The following GRIK5 variants were observed in gnomAD, a reference collection of about 807,000 sequenced individuals.
The protein encoded by GRIK5 is glutamate ionotropic receptor kainate type subunit 5.
In GRIK5, 43 loss-of-function variants were observed where a neutral mutation model predicts 97.4. The observed-to-expected ratio is 0.44, with a 90% CI of 0.35 to 0.57. The LOEUF (loss-of-function observed/expected upper bound fraction) is 0.57, where lower values mean the gene tolerates loss of function less well. GRIK5 is among the 20% of genes least tolerant of loss of function. The pLI is 0.01. For missense variants in GRIK5, 1,015 were observed against 1,382.0 expected, an observed-to-expected ratio of 0.73 and a Z score of 4.21; for synonymous variants, 580 against 583.5, an observed-to-expected ratio of 0.99 and a Z score of 0.09.
At chr19:42,017,714 G>C (rs1158568632) in intron 15 of GRIK5, among the ~76,000 whole-genome samples, 5 of 152,212 alleles carry the variant, frequency 3.3e-5, no homozygotes, top group Non-Finnish European at 7.3e-5. Flanking sequence ...AGAGGCTGGA[G>C]GCATGGATAA....
rs2076143448 is a variant in GRIK5 at position 42,053,611 on chromosome 19, T to C, written c.1260A>G (p.Thr420=). 2 of 1,601,034 alleles carry C rather than the reference T, an allele frequency of 1.2e-6. No homozygotes were observed. Among genetic ancestry groups the C allele is most frequent in the South Asian group, 2.2e-5 (2 of 90,786 alleles). ...ATCTAGGGCCACTCACCAGGATGGT[T>C]GTGACCACCAGGGTCTTGTTGGCCA... ...QTLANKTLVV[T]TILENPYVMR... Residue 420 remains threonine, a synonymous_variant, in exon 11 of 20, where the codon ACA becomes ACG. Coordinates refer to ENST00000593562, the MANE Select transcript of GRIK5 (RefSeq NM_002088.5).
chr19:42,068,461 G>A lies in GRIK5; in HGVS notation c.-51+780C>T, dbSNP rs554072734. 2.1e-5 allele frequency: 7 copies of A among 340,686 alleles called. No homozygotes were observed. The South Asian group carries it at 4.3e-4, about 21-fold the overall frequency. 21.1% of individuals were successfully genotyped at this position (340,686 alleles called of 1,614,324 possible). On this transcript the variant is annotated intron_variant, in intron 1 of 19. Transcript: ENST00000593562. ...GCCAGGAAAAGTCAGCATGGACCAC[G>A]GAGAGGTGGGGCAGCAGCTGAGGAG...
At chr19:42,043,340 GGTTTA>G (rs1164200469) in intron 11 of GRIK5, among the ~76,000 whole-genome samples, 1 of 151,964 alleles carries the variant, frequency 6.6e-6, no homozygotes, top group Non-Finnish European at 1.5e-5. Context: ...CCCTCACCAG[GGTTTA>G]GCTCCAGTCC....
chr19:42,019,360 TCTGA>T (rs1457772486), intron 15 of GRIK5, among the ~76,000 whole-genome samples: 2 of 152,178 alleles, frequency 1.3e-5, no homozygotes, highest in African/African-American at 4.8e-5. Context: ...GGGACCCTTC[TCTGA>T]CTGCCCCCAT....
intron 1 of GRIK5, 142 bp downstream of exon 1, chr19:42,069,099 G>A: frequency 6.7e-6 from 3 of 444,736 alleles, no homozygotes; most frequent in Admixed American, 4.1e-5. Context: ...GAGATGGAGG[G>A]CGCAGAGCAG....
At chr19:42,057,853 G>A (rs1029876184) in intron 6 of GRIK5, among the ~76,000 whole-genome samples, 8 of 152,134 alleles carry the variant, frequency 5.3e-5, no homozygotes, top group African/African-American at 9.7e-5. Flanking sequence ...CATAATCCTC[G>A]AGGAAAACAA....
intron 12 of GRIK5, among the ~76,000 whole-genome samples, chr19:42,039,129 T>C (rs936655893): frequency 6.6e-6 from 1 of 152,190 alleles, no homozygotes; most frequent in Non-Finnish European, 1.5e-5. Context: ...GTCTTCCTGT[T>C]ACCACTGCTT....
At chr19:42,040,305 T>C (rs547709667) in intron 12 of GRIK5, among the ~76,000 whole-genome samples, 1 of 152,172 alleles carries the variant, frequency 6.6e-6, no homozygotes. Flanking sequence ...CAGCTGTAAA[T>C]AAGAACTGTT....
chr19:42,054,209 G>A, intron 9 of GRIK5, 111 bp downstream of exon 9: 1 of 1,159,410 alleles, frequency 8.6e-7, no homozygotes, highest in Non-Finnish European at 1.2e-6. Context: ...GGAGGCAGTG[G>A]GTACGGTGGG....
At chr19:42,045,215 G>C (rs1389752054) in intron 11 of GRIK5, among the ~76,000 whole-genome samples, 1 of 152,198 alleles carries the variant, frequency 6.6e-6, no homozygotes, top group Non-Finnish European at 1.5e-5. Flanking sequence ...TTCTCCCTGG[G>C]TTCAGACTTC....
At position 42,062,559 on chromosome 19, in the gene GRIK5, C is replaced by A. The variant is rs2076273033; in HGVS notation, c.437G>T (p.Ser146Ile). ...VSLYPSNEDVSLAVSRILKSF... is the reference protein window; with the variant it reads ...VSLYPSNEDVILAVSRILKSF... The stretch of plus-strand genomic sequence containing the variant: ...CTTGAGGATTCGGGAGACCGCCAAG[C>A]TGACGTCCTCGTTACTGGGGTACAG... Residue 146 changes from serine (S) to isoleucine (I), a missense_variant, in exon 5 of 20, where the codon AGC (serine) becomes ATC (isoleucine). By Grantham distance (142) the Ser-to-Ile change is moderately radical (BLOSUM62 -2). Around this residue, in one of 5 missense-constraint regions of GRIK5, gnomAD observed 198 missense variants for 218.2 expected, o/e 0.91. Transcript: ENST00000593562. This position sits in a 1 kb window ranked among gnomAD's most constrained non-coding sequence, Gnocchi z 5.3. 1 of 1,614,098 alleles carries A rather than the reference C, an allele frequency of 6.2e-7. No individual in the cohort carries two copies. Among genetic ancestry groups the A allele is most frequent in the Non-Finnish European group, 8.5e-7 (1 of 1,180,040 alleles).
At chr19:42,061,087 G>T (rs1004129172) in intron 5 of GRIK5, among the ~76,000 whole-genome samples, 1 of 151,956 alleles carries the variant, frequency 6.6e-6, no homozygotes, top group Admixed American at 6.6e-5. Context: ...TCGCTCTGTC[G>T]CCCAGGCTGG....
intron 15 of GRIK5, among the ~76,000 whole-genome samples, chr19:42,013,117 G>T (rs972174225): frequency 6.6e-6 from 1 of 151,826 alleles, no homozygotes; most frequent in Non-Finnish European, 1.5e-5. Context: ...ACTTTGGGAG[G>T]CTGAGGCAGG....
intron 15 of GRIK5, among the ~76,000 whole-genome samples, chr19:42,010,137 A>G (rs1450812366): frequency 6.6e-6 from 1 of 151,978 alleles, no homozygotes; most frequent in East Asian, 1.9e-4. Flanking sequence ...AAGCACAGAA[A>G]GGAAAAAGTG....
In GRIK5 at chr19:42,002,241, C is replaced by A. The variant is rs1555871067; in HGVS notation, c.2514+1091G>T. ...AACTGGAAGCATCAGGGAGACCCCC[C>A]ACTGCTGCCAAGGCTGTAAAGAGAA... On this transcript the variant is annotated intron_variant, in intron 19 of 19. Transcript: ENST00000593562. This position sits in a 1 kb window ranked among gnomAD's most constrained non-coding sequence, Gnocchi z 5.2. 2 of 717,562 alleles carry A rather than the reference C, an allele frequency of 2.8e-6. No homozygotes were observed. Among genetic ancestry groups the A allele is most frequent in the Non-Finnish European group, 5.2e-6 (2 of 385,116 alleles). The allele number at this position is 717,562 out of a possible 1,614,324, so 44.4% of individuals were successfully genotyped here. A position where few individuals can be genotyped will look rare whatever the true frequency, so the allele number is the denominator to read the frequency against.
chr19:42,003,539 A>G lies in GRIK5; in HGVS notation c.2392+16T>C. The G allele has an allele frequency of 6.2e-7, 1 of 1,607,958 alleles. No individual in the cohort carries two copies. Among genetic ancestry groups the G allele is most frequent in the Non-Finnish European group, 8.5e-7 (1 of 1,176,544 alleles). ...GAGGGGGCTATGGGAAGGGGACACC[A>G]TACGCGGGAACTGACCTTTAGCTCG... On this transcript the variant is annotated intron_variant, in intron 18 of 19. Coordinates refer to ENST00000593562, the MANE Select transcript of GRIK5 (RefSeq NM_002088.5). This position sits in a 1 kb window ranked among gnomAD's most constrained non-coding sequence, Gnocchi z 4.2.
rs2075430694 is a variant in GRIK5 at position 42,002,230 on chromosome 19, G to A, written c.2514+1102C>T. On this transcript the variant is annotated intron_variant, in intron 19 of 19. Transcript: ENST00000593562. The surrounding 1 kb of genome is among the most constrained non-coding windows in gnomAD (Gnocchi z 5.2). ...AGGAAAGAAGAAACTGGAAGCATCA[G>A]GGAGACCCCCCACTGCTGCCAAGGC... is the stretch of plus-strand genomic sequence containing the variant. The A allele has an allele frequency of 1.4e-6, 1 of 717,506 alleles. No homozygotes were observed. The highest frequency in any genetic ancestry group is 1.7e-5 in the African/African-American group (1 of 57,260). The allele number at this position is 717,506 out of a possible 1,614,324, so 44.4% of individuals were successfully genotyped here.
At chr19:42,056,035 G>A (rs1016846284) in intron 8 of GRIK5, among the ~76,000 whole-genome samples, 3 of 151,400 alleles carry the variant, frequency 2.0e-5, no homozygotes, top group Non-Finnish European at 4.4e-5. Flanking sequence ...GCCCAGGCTG[G>A]AGTGCAATGG....
rs1237713906 is a variant in GRIK5, at chr19:42,026,279, C to T, written c.1474-3925G>A. Among the ~76,000 whole-genome samples, 4 of 152,014 alleles carry T rather than the reference C, an allele frequency of 2.6e-5. No individual in the cohort carries two copies. In the East Asian group the frequency reaches 5.8e-4, roughly 22 times the overall value. ...CTTGGATTACAGGCATGAGACACAG[C>T]GCCTTGTTCTTTTTATTATTATTAT... On this transcript the variant is annotated intron_variant, in intron 12 of 19. Transcript: ENST00000593562.
Sources: gnomAD v4.1 joint callset for allele counts (sites outside exome capture counted in the v4.1 genomes callset) on GRCh38, gnomAD v4.1.1 for gene constraint, gnomAD v4.1.1 regional missense constraint, Gnocchi (gnomAD v3.1) non-coding constraint, MANE v1.5 for transcripts, NCBI Gene and HGNC (gene_info 2026-07-23, HGNC 2026-07-21) for gene names.